The following RBM39 variants were observed in gnomAD, a reference collection of about 807,000 sequenced individuals.
RBM39 encodes the protein RNA-binding protein 39.
A neutral mutation model predicts 79.6 loss-of-function variants in RBM39; 12 were observed. The ratio of observed to expected loss-of-function variants is 0.15; its 90% CI spans 0.10 to 0.24. The LOEUF (loss-of-function observed/expected upper bound fraction) is 0.24. Ranked by LOEUF, RBM39 falls within the 10% of genes least tolerant of loss-of-function variation. The probability of loss-of-function intolerance (pLI) is 1.00; values close to 1 mark genes in which losing one functional copy is unlikely to be tolerated. For missense variants in RBM39, 243 were observed against 653.4 expected (o/e 0.37, Z 6.85); for synonymous variants, 185 against 208.4 (o/e 0.89, Z 0.97).
At chr20:35,730,884 C>A (rs2039288897) in intron 4 of RBM39, among the ~76,000 whole-genome samples, 1 of 152,064 alleles carries the variant, frequency 6.6e-6, no homozygotes, top group African/African-American at 2.4e-5. Flanking sequence ...TTGGAGGAAA[C>A]CAGCATCACG....
chr20:35,737,523 G>A (rs2040065916), intron 3 of RBM39, among the ~76,000 whole-genome samples: 1 of 151,484 alleles, frequency 6.6e-6, no homozygotes, highest in Non-Finnish European at 1.5e-5. Context: ...TCGTGTCATG[G>A]CGCTCCAGCC....
intron 3 of RBM39, among the ~76,000 whole-genome samples, chr20:35,737,144 C>G (rs1251918967): frequency 6.6e-6 from 1 of 151,852 alleles, no homozygotes; most frequent in East Asian, 2.0e-4. Flanking sequence ...GTAATCCCAG[C>G]ACTTTGGGAG....
intron 4 of RBM39, 81 bp downstream of exon 4, chr20:35,731,860 A>T: frequency 7.8e-7 from 1 of 1,286,042 alleles, no homozygotes; most frequent in African/African-American, 1.5e-5. Flanking sequence ...AAAATTCACA[A>T]TTCAAATCAC....
At position 35,724,984 on chromosome 20, in the gene RBM39, T is replaced by TAA. The variant is rs1458637885; in HGVS notation, c.534+53_534+54insTT. On this transcript the variant is annotated intron_variant, in intron 7 of 16. Transcript: ENST00000253363. ...TCAAATGAAGTATTTGATGTTTACATGTTTTCTCTTGCAATTTCTACCTAC... is the reference window on the plus strand; with the variant it reads ...TCAAATGAAGTATTTGATGTTTACATAAGTTTTCTCTTGCAATTTCTACCTAC... The TAA allele has an allele frequency of 2.4e-6, 3 of 1,241,318 alleles. No individual in the cohort carries two copies. In the African/African-American group the frequency reaches 4.5e-5, roughly 19 times the overall value. The allele number at this position is 1,241,318 out of a possible 1,614,324, so 76.9% of individuals were successfully genotyped here. A position where few individuals can be genotyped will look rare whatever the true frequency, so the allele number is the denominator to read the frequency against.
chr20:35,734,521 C>T (rs762082706), intron 3 of RBM39: 3 of 209,838 alleles, frequency 1.4e-5, no homozygotes, highest in Non-Finnish European at 2.9e-5. Context: ...AACTCCATCC[C>T]CCTCAAAAAC....
At chr20:35,704,603 T>C (rs746660278) in intron 16 of RBM39, 22 bp from the exon 17 acceptor site, 1 of 1,610,748 alleles carries the variant, frequency 6.2e-7, no homozygotes, top group South Asian at 1.1e-5. Flanking sequence ...AACAGACATG[T>C]TGGGTTTAGC....
intron 2 of RBM39, 24 bp downstream of exon 2, chr20:35,740,800 C>T (rs1343263960): frequency 1.3e-6 from 2 of 1,597,206 alleles, no homozygotes; most frequent in Non-Finnish European, 1.7e-6. Flanking sequence ...AATATATAAA[C>T]CTCACCGACA....
rs1385875220 is a variant in RBM39, at chr20:35,703,058, G to T, written c.*1423C>A. 1 of 151,938 alleles carries T rather than the reference G, an allele frequency of 6.6e-6. No homozygotes were observed. The highest frequency in any genetic ancestry group is 2.4e-5 in the African/African-American group (1 of 41,354). 9.4% of individuals were successfully genotyped at this position (151,938 alleles called of 1,614,324 possible). On this transcript the variant is annotated 3_prime_UTR_variant, in exon 17 of 17. Coordinates refer to ENST00000253363, the MANE Select transcript of RBM39 (RefSeq NM_184234.3). ...TTCAATGCTAACAAAAAAAAAAGTT[G>T]AACAAATGAGGTAAGGAACTCAGTA...
intron 8 of RBM39, among the ~76,000 whole-genome samples, chr20:35,723,500 GTGATC>G (rs1339689241): frequency 2.0e-5 from 3 of 152,140 alleles, no homozygotes; most frequent in Non-Finnish European, 4.4e-5. Context: ...GTGCAATGGC[GTGATC>G]TTGCCTCACT....
At chr20:35,714,159 C>A (rs2036821340) in intron 11 of RBM39, 26 bp downstream of exon 11, 1 of 1,602,524 alleles carries the variant, frequency 6.2e-7, no homozygotes, top group African/African-American at 1.3e-5. Context: ...CACAGTAAAT[C>A]ATTCGTAATA....
chr20:35,741,977 C>A lies in RBM39; in HGVS notation c.-50G>T. The A allele has an allele frequency of 4.1e-6, 1 of 242,172 alleles. No individual in the cohort carries two copies. Among genetic ancestry groups the A allele is most frequent in the Non-Finnish European group, 8.2e-6 (1 of 121,968 alleles). 15.0% of individuals were successfully genotyped at this position (242,172 alleles called of 1,614,324 possible). ...TTCGGGCGCCTGTGGTGCTCGTGTTCGGGAAGAGATTGCTGCTGCTGCTGC... is the reference window on the plus strand; with the variant it reads ...TTCGGGCGCCTGTGGTGCTCGTGTTAGGGAAGAGATTGCTGCTGCTGCTGC... On this transcript the variant is annotated 5_prime_UTR_variant, in exon 1 of 17. Transcript: ENST00000253363.
chr20:35,715,245 T>C (rs2425087), intron 10 of RBM39, among the ~76,000 whole-genome samples: 6,661 of 152,294 alleles, frequency 0.044, 180 homozygotes, highest in African/African-American at 0.075. Flanking sequence ...TGGCACCATC[T>C]CGGCTCATTG....
chr20:35,705,186 G>A (rs377408714), intron 15 of RBM39, 39 bp downstream of exon 15: 408 of 1,226,686 alleles, frequency 3.3e-4, no homozygotes, highest in Non-Finnish European at 4.1e-4. Flanking sequence ...AGGTAGAGAC[G>A]AACAACCTAA....
chr20:35,705,375 A>G, intron 14 of RBM39, 45 bp from the exon 15 acceptor site: 1 of 1,042,630 alleles, frequency 9.6e-7, no homozygotes, highest in Non-Finnish European at 1.4e-6. Context: ...TGAAACTAAC[A>G]AACTATATAT....
intron 2 of RBM39, 92 bp from the exon 3 acceptor site, chr20:35,739,109 A>G (rs969920548): frequency 5.2e-5 from 55 of 1,053,516 alleles, no homozygotes; most frequent in Non-Finnish European, 7.5e-5. Context: ...AGAAAATACA[A>G]AACAATTTTA....
intron 3 of RBM39, among the ~76,000 whole-genome samples, chr20:35,737,176 G>A (rs908437888): frequency 6.6e-6 from 1 of 151,624 alleles, no homozygotes; most frequent in African/African-American, 2.4e-5. Context: ...TGGATCACGA[G>A]GTCAGGAGTT....
chr20:35,720,786 G>A (rs1192143801), intron 9 of RBM39, among the ~76,000 whole-genome samples: 1 of 152,094 alleles, frequency 6.6e-6, no homozygotes, highest in Non-Finnish European at 1.5e-5. Flanking sequence ...AGTCAATGGA[G>A]AAAGTACCAG....
At chr20:35,741,024 A>ATTTTTATTTTTT in intron 1 of RBM39, 137 bp from the exon 2 acceptor site, 2 of 76,912 alleles carry the variant, frequency 2.6e-5, no homozygotes, top group Non-Finnish European at 2.4e-5. Context: ...GTGAGTAAAC[A>ATTTTTATTTTTT]TTTTTCTTTT....
rs960717952 is a variant in RBM39, at chr20:35,740,892, G to T, written c.-13-5C>A. ...TCTGCCATTTTCTCTAAACGCCTAGGAAGAGAACAAGACAATTTCTTGAGT... is the reference window on the plus strand; with the variant it reads ...TCTGCCATTTTCTCTAAACGCCTAGTAAGAGAACAAGACAATTTCTTGAGT... On this transcript the variant is annotated splice_region_variant and splice_polypyrimidine_tract_variant and intron_variant, in intron 1 of 16. Transcript: ENST00000253363. 2.5e-6 allele frequency: 4 copies of T among 1,601,134 alleles called. No individual in the cohort carries two copies. The highest frequency in any genetic ancestry group is 1.7e-6 in the Non-Finnish European group (2 of 1,170,982).
Sources: allele counts gnomAD v4.1 joint callset (sites outside exome capture counted in the v4.1 genomes callset), GRCh38; gene constraint gnomAD v4.1.1; transcripts MANE v1.5; gene names NCBI Gene and HGNC (gene_info 2026-07-23, HGNC 2026-07-21).